Variants in COL23A1 observed in about 807,000 individuals in gnomAD.
COL23A1 encodes the protein collagen alpha-1(XXIII) chain.
A neutral mutation model predicts 99.3 loss-of-function variants in COL23A1; 97 were observed. The observed-to-expected ratio is 0.98, with a 90% CI of 0.83 to 1.16. COL23A1 has a LOEUF of 1.16. COL23A1 is among the 50% of genes most tolerant of loss of function. COL23A1 has a pLI of 0.00. For synonymous variants in COL23A1, 320 were observed against 308.2 expected (o/e 1.04, Z -0.40); for missense variants, 762 against 757.4 (o/e 1.01, Z -0.07).
chr5:178,572,851 A>G (rs1030278752), intron 1 of COL23A1, among the ~76,000 whole-genome samples: 6 of 152,270 alleles, frequency 3.9e-5, no homozygotes, highest in African/African-American at 1.4e-4. Flanking sequence ...GTAATGAAAA[A>G]GAATGAATTA....
chr5:178,242,460 C>T, intron 25 of COL23A1, 66 bp from the exon 26 acceptor site: 1 of 1,522,312 alleles, frequency 6.6e-7, no homozygotes, highest in Non-Finnish European at 9.1e-7. Context: ...GTTACCGGCT[C>T]ATCTCTGTTC....
rs1045019896 is a variant in COL23A1, at chr5:178,247,831, C to G, written c.1213G>C (p.Ala405Pro). Residue 405 changes from alanine to proline, a missense_variant and splice_region_variant, in exon 21 of 29, where the codon GCT becomes CCT. Transcript: ENST00000390654. ...GGCCCTGGCTCCACTATGAGCTGAG[C>G]CTAGGGAGGGTGAGAGACAGGTTAG... is the stretch of plus-strand genomic sequence containing the variant. ...SASDSLQESL[A>P]QLIVEPGPPG... The G allele has an allele frequency of 6.2e-7, 1 of 1,611,776 alleles. No individual in the cohort carries two copies. Among genetic ancestry groups the G allele is most frequent in the Non-Finnish European group, 8.5e-7 (1 of 1,178,920 alleles).
intron 14 of COL23A1, 31 bp downstream of exon 14, chr5:178,256,835 C>A (rs751159366): frequency 6.2e-7 from 1 of 1,602,630 alleles, no homozygotes; most frequent in South Asian, 1.1e-5. Flanking sequence ...GCGGGGCCCG[C>A]AGGCGCCAGA....
intron 2 of COL23A1, among the ~76,000 whole-genome samples, chr5:178,332,377 T>C (rs55804624): frequency 0.018 from 2,805 of 152,272 alleles, 32 homozygotes; most frequent in Non-Finnish European, 0.03. Context: ...CAGAGCATGA[T>C]CCTGAGCCAG....
At chr5:178,250,008 CAG>C in intron 18 of COL23A1, 51 bp downstream of exon 18, 7 of 1,549,444 alleles carry the variant, frequency 4.5e-6, no homozygotes, top group South Asian at 2.2e-5. Flanking sequence ...CACACACACA[CAG>C]AGCCCAATAC....
chr5:178,335,003 T>C (rs1224149287), intron 2 of COL23A1, among the ~76,000 whole-genome samples: 1 of 152,082 alleles, frequency 6.6e-6, no homozygotes, highest in Non-Finnish European at 1.5e-5. Context: ...GCACGAAGGG[T>C]TTCCTCCATA....
intron 1 of COL23A1, among the ~76,000 whole-genome samples, chr5:178,574,310 C>T (rs1763244235): frequency 6.6e-6 from 1 of 152,156 alleles, no homozygotes; most frequent in South Asian, 2.1e-4. Flanking sequence ...ATTGGAGATG[C>T]TGGTCATGGG....
At chr5:178,581,051 A>C (rs1426352277) in intron 1 of COL23A1, among the ~76,000 whole-genome samples, 1 of 152,186 alleles carries the variant, frequency 6.6e-6, no homozygotes, top group Non-Finnish European at 1.5e-5. Flanking sequence ...CAGGGGTTTC[A>C]TTCTGAAATG....
intron 2 of COL23A1, among the ~76,000 whole-genome samples, chr5:178,315,364 C>T (rs932331314): frequency 7.2e-5 from 11 of 152,120 alleles, no homozygotes; most frequent in South Asian, 2.1e-4. Context: ...CAGCAGGCCA[C>T]GTGCTGGGGG....
At chr5:178,490,003 G>T (rs1037946033) in intron 2 of COL23A1, among the ~76,000 whole-genome samples, 6 of 152,034 alleles carry the variant, frequency 3.9e-5, no homozygotes, top group African/African-American at 1.4e-4. Flanking sequence ...GGAGGCCGAG[G>T]CGGGCGGATC....
intron 20 of COL23A1, 133 bp downstream of exon 20, chr5:178,248,059 C>T (rs1018658032): frequency 2.7e-6 from 2 of 749,472 alleles, no homozygotes; most frequent in Non-Finnish European, 4.6e-6. Context: ...AGGGGTCTCG[C>T]TCCCCTTACT....
intron 8 of COL23A1, 94 bp downstream of exon 8, chr5:178,267,213 G>C (rs748818539): frequency 1.5e-6 from 2 of 1,345,586 alleles, no homozygotes; most frequent in Non-Finnish European, 2.1e-6. Flanking sequence ...GATGAGCTGC[G>C]GGGAGCTGGG....
intron 2 of COL23A1, among the ~76,000 whole-genome samples, chr5:178,474,360 T>C (rs1047616012): frequency 1.3e-5 from 2 of 152,238 alleles, no homozygotes; most frequent in African/African-American, 4.8e-5. Flanking sequence ...CCAAATATTT[T>C]ATGATAATAT....
intron 2 of COL23A1, among the ~76,000 whole-genome samples, chr5:178,381,261 C>G (rs1763367047): frequency 6.6e-6 from 1 of 152,236 alleles, no homozygotes; most frequent in African/African-American, 2.4e-5. Flanking sequence ...GCAGCTGGCC[C>G]TCCTCAGGAT....
At position 178,289,149 on chromosome 5, in the gene COL23A1, C is replaced by T. The variant is rs577344783; in HGVS notation, c.415-799G>A. 2.4e-4 allele frequency among the ~76,000 whole-genome samples: 36 copies of T among 152,036 alleles called. No homozygotes were observed. In the South Asian group the frequency reaches 6.3e-3, roughly 27 times the overall value. On this transcript the variant is annotated intron_variant, in intron 4 of 28. Coordinates refer to ENST00000390654, the MANE Select transcript of COL23A1 (RefSeq NM_173465.4). ...TGGCTCACGGTGGGGCTGCATGCAC[C>T]GAGAAGCCCAGATTCCGAAGGGCAC...
intron 7 of COL23A1, among the ~76,000 whole-genome samples, chr5:178,267,901 A>G (rs1755993875): frequency 6.6e-6 from 1 of 152,140 alleles, no homozygotes; most frequent in Admixed American, 6.5e-5. Context: ...GCTCCGTGAG[A>G]TTGGTCTTAA....
intron 2 of COL23A1, among the ~76,000 whole-genome samples, chr5:178,452,758 C>T (rs958217198): frequency 1.3e-5 from 2 of 152,158 alleles, no homozygotes; most frequent in African/African-American, 4.8e-5. Flanking sequence ...CAATTTTTTA[C>T]CCAAAAGAAT....
At chr5:178,303,114 C>T (rs114440911) in intron 3 of COL23A1, among the ~76,000 whole-genome samples, 2,704 of 152,268 alleles carry the variant, frequency 0.018, 86 homozygotes, top group African/African-American at 0.062. Context: ...GATTCTTGTG[C>T]CTCAACCTCT....
intron 2 of COL23A1, among the ~76,000 whole-genome samples, chr5:178,362,557 A>T (rs757151578): frequency 3.3e-4 from 50 of 151,446 alleles, no homozygotes; most frequent in Non-Finnish European, 4.1e-4. Flanking sequence ...AGCCTCTCCC[A>T]CCCACCCTTG....
Sources: gnomAD v4.1 joint callset for allele counts (sites outside exome capture counted in the v4.1 genomes callset) on GRCh38, gnomAD v4.1.1 for gene constraint, MANE v1.5 for transcripts, NCBI Gene and HGNC (gene_info 2026-07-23, HGNC 2026-07-21) for gene names.